LYPD4: variants seen among roughly 807,000 people sequenced by gnomAD.
LYPD4 encodes LY6/PLAUR domain containing 4.
A neutral mutation model predicts 18.2 loss-of-function variants in LYPD4; 20 were observed. The observed-to-expected ratio is 1.10, with a 90% CI of 0.77 to 1.59. The LOEUF (loss-of-function observed/expected upper bound fraction) is 1.59. LYPD4 is among the 40% of genes most tolerant of loss of function. LYPD4 has a pLI of 0.00. For synonymous variants in LYPD4, 111 were observed against 118.3 expected (o/e 0.94, Z 0.40); for missense variants, 278 against 300.3 (o/e 0.93, Z 0.55).
At chr19:41,844,684 A>G (rs1555834957), upstream of LYPD4, 2 of 152,300 alleles carry the variant, frequency 1.3e-5, no homozygotes, top group Admixed American at 6.5e-5. Flanking sequence ...GGGCTTGGTC[A>G]ACGCCCCAGG....
intron 1 of LYPD4, among the ~76,000 whole-genome samples, chr19:41,840,203 T>C: frequency 6.6e-6 from 1 of 151,966 alleles, no homozygotes; most frequent in African/African-American, 2.4e-5. Flanking sequence ...GAATAAGGTC[T>C]GAAGTCTAGG....
downstream of LYPD4, chr19:41,835,735 A>AC: frequency 6.1e-6 from 6 of 978,312 alleles, no homozygotes; most frequent in Non-Finnish European, 7.3e-6. Context: ...GTCCATGGTA[A>AC]CCGAAACCTC....
At chr19:41,836,024 C>T (rs1280825513), downstream of LYPD4, 1 of 158,260 alleles carries the variant, frequency 6.3e-6, no homozygotes, top group Non-Finnish European at 1.4e-5. Context: ...AGCTCCCACA[C>T]ATAAATGGCC....
chr19:41,837,973 G>A lies in LYPD4; in HGVS notation c.500C>T (p.Ala167Val), dbSNP rs1335758211. 1.9e-6 allele frequency: 3 copies of A among 1,613,282 alleles called. No homozygotes were observed. Among genetic ancestry groups the A allele is most frequent in the Non-Finnish European group, 2.5e-6 (3 of 1,179,432 alleles). Residue 167 changes from alanine to valine, a missense_variant, in exon 4 of 5, where the codon GCT becomes GTT. Transcript: ENST00000609812. ...FVTTNSCPLAASTCYSSTLKF... is the reference protein window; with the variant it reads ...FVTTNSCPLAVSTCYSSTLKF... ...TAAGGTGGAACTGTAACACGTAGAA[G>A]CAGCCAAGGGGCAAGAATTAGTGGT...
At chr19:41,841,190 G>C (rs781928415) in intron 1 of LYPD4, among the ~76,000 whole-genome samples, 3 of 152,142 alleles carry the variant, frequency 2.0e-5, no homozygotes, top group Admixed American at 6.5e-5. Flanking sequence ...CCAGTGCTTT[G>C]GGAGGCTGAG....
chr19:41,835,684 C>A, downstream of LYPD4: 1 of 679,612 alleles, frequency 1.5e-6, no homozygotes, highest in Non-Finnish European at 1.8e-6. Flanking sequence ...GCTTCCCAAC[C>A]ACCCCTTCCA....
rs112272918 is a variant in LYPD4, at chr19:41,838,742, A to T, written c.211+139T>A. On this transcript the variant is annotated intron_variant, in intron 3 of 4. Coordinates refer to ENST00000609812, the MANE Select transcript of LYPD4 (RefSeq NM_173506.7). The stretch of plus-strand genomic sequence containing the variant: ...AGAACTCCCCATCTCAAAAAAAATT[A>T]AAAAAAATATATATACATATATATA... 5.8e-4 allele frequency: 252 copies of T among 434,926 alleles called. 1 individual carries two copies. The highest frequency in any genetic ancestry group is 9.2e-4 in the Middle Eastern group (1 of 1,090). 26.9% of individuals were successfully genotyped at this position (434,926 alleles called of 1,614,324 possible). A position where few individuals can be genotyped will look rare whatever the true frequency, so the allele number is the denominator to read the frequency against.
rs1555832605 is a variant in LYPD4 at position 41,839,261 on chromosome 19, C to T, written c.25G>A (p.Val9Met). The change falls in exon 2 of 5, where the codon GTG (valine) becomes ATG (methionine). Residue 9 changes from valine (V) to methionine (M), a missense_variant. Coordinates refer to ENST00000609812, the MANE Select transcript of LYPD4 (RefSeq NM_173506.7). MGPQHLRL[V>M]QLFCLLGAIS... ...GCCCCTAGAAGGCAGAACAGCTGCA[C>T]AAGTCTCAAATGCTGGGGTCCCATG... is the stretch of plus-strand genomic sequence containing the variant. 2 of 1,614,188 alleles carry T rather than the reference C, an allele frequency of 1.2e-6. No individual in the cohort carries two copies. Among genetic ancestry groups the T allele is most frequent in the South Asian group, 2.2e-5 (2 of 91,084 alleles).
rs539988219 is a variant in LYPD4 at position 41,843,260 on chromosome 19, T to A, written c.-121+318A>T. ...CTGACCTTGGCCTCAGAGACCCAGGTTGGAATCTTTACCCCTTCATTTACT... is the reference window on the plus strand; with the variant it reads ...CTGACCTTGGCCTCAGAGACCCAGGATGGAATCTTTACCCCTTCATTTACT... On this transcript the variant is annotated intron_variant, in intron 1 of 4. Transcript: ENST00000609812. Among the ~76,000 whole-genome samples, 15 of 151,942 alleles carry A rather than the reference T, an allele frequency of 9.9e-5. No individual in the cohort carries two copies. The South Asian group carries it at 2.5e-3, about 25-fold the overall frequency.
At chr19:41,838,518 A>C (rs1600546009) in intron 3 of LYPD4, among the ~76,000 whole-genome samples, 1 of 151,344 alleles carries the variant, frequency 6.6e-6, no homozygotes, top group African/African-American at 2.4e-5. Context: ...GGATCTGTCC[A>C]CCTCCATTCT....
chr19:41,838,634 C>T (rs974771203), intron 3 of LYPD4, among the ~76,000 whole-genome samples: 1 of 151,972 alleles, frequency 6.6e-6, no homozygotes, highest in Non-Finnish European at 1.5e-5. Flanking sequence ...GTGGCTTATG[C>T]CTGTAATCCG....
chr19:41,840,790 G>A lies in LYPD4; in HGVS notation c.-120-1385C>T, dbSNP rs913850395. ...GCTTGCAGTGAGCCAAGATTGCGAC[G>A]CTGCACTCCAGCCTGGACGACAGAG... On this transcript the variant is annotated intron_variant, in intron 1 of 4. Transcript: ENST00000609812. Among the ~76,000 whole-genome samples the A allele has an allele frequency of 5.3e-5, 8 of 151,044 alleles. No individual in the cohort carries two copies. The East Asian group carries it at 1.6e-3, about 29-fold the overall frequency.
intron 4 of LYPD4, 110 bp downstream of exon 4, chr19:41,837,825 G>A: frequency 8.3e-7 from 1 of 1,197,734 alleles, no homozygotes; most frequent in Non-Finnish European, 1.2e-6. Flanking sequence ...CCTGTCCCTT[G>A]CAACCCCAAT....
chr19:41,836,912 G>T (rs1317913849), downstream of LYPD4, among the ~76,000 whole-genome samples: 1 of 152,060 alleles, frequency 6.6e-6, no homozygotes, highest in Non-Finnish European at 1.5e-5. Context: ...AGCCTCCAGA[G>T]GAAGGGGAAG....
downstream of LYPD4, chr19:41,835,482 T>C (rs2123058794): frequency 6.6e-6 from 1 of 152,386 alleles, no homozygotes; most frequent in South Asian, 2.1e-4. Context: ...TCTGTGGAAG[T>C]ATGTCTTGGC....
rs1217670906 is a variant in LYPD4 at position 41,839,302 on chromosome 19, C to A, written c.-17G>T. 1 of 1,613,056 alleles carries A rather than the reference C, an allele frequency of 6.2e-7. No individual in the cohort carries two copies. Among genetic ancestry groups the A allele is most frequent in the Non-Finnish European group, 8.5e-7 (1 of 1,179,170 alleles). ...GGGTCCCATGGCCCTGTGTCTGGGT[C>A]CTGGGTGCTAGAGGTCAGTCTGGAA... On this transcript the variant is annotated 5_prime_UTR_variant, in exon 2 of 5. Coordinates refer to ENST00000609812, the MANE Select transcript of LYPD4 (RefSeq NM_173506.7).
At chr19:41,835,970 C>T (rs782249066), downstream of LYPD4, 5 of 246,366 alleles carry the variant, frequency 2.0e-5, no homozygotes, top group Non-Finnish European at 3.2e-5. Flanking sequence ...TACCCTACGT[C>T]ACTGCCTCTA....
chr19:41,839,208 A>C lies in LYPD4; in HGVS notation c.67+11T>G, dbSNP rs1555832503. On this transcript the variant is annotated intron_variant, in intron 2 of 4. Transcript: ENST00000609812. ...TCTGGGTCTTATAGCATCCAGCCCC[A>C]CAGGACATACGAGGCAGAGTGGAGA... 4 of 1,614,114 alleles carry C rather than the reference A, an allele frequency of 2.5e-6. No homozygotes were observed. Among genetic ancestry groups the C allele is most frequent in the Admixed American group, 1.7e-5 (1 of 60,000 alleles).
chr19:41,837,881 G>C (rs1040939861), intron 4 of LYPD4, 54 bp downstream of exon 4: 1 of 1,506,992 alleles, frequency 6.6e-7, no homozygotes, highest in Non-Finnish European at 9.0e-7. Context: ...GAAGGTGCTG[G>C]ACAATGCCTG....
Sources: allele counts gnomAD v4.1 joint callset (sites outside exome capture counted in the v4.1 genomes callset), GRCh38; gene constraint gnomAD v4.1.1; transcripts MANE v1.5; gene names NCBI Gene and HGNC (gene_info 2026-07-23, HGNC 2026-07-21).